ACSM1: variants seen among roughly 807,000 people sequenced by gnomAD.
The protein encoded by ACSM1 is acyl-coenzyme A synthetase ACSM1, mitochondrial.
ACSM1 carries 79 observed loss-of-function variants against 75.8 expected under a neutral mutation model. The observed-to-expected ratio is 1.04, with a 90% CI of 0.87 to 1.26. ACSM1 has a LOEUF of 1.26. Ranked by LOEUF, ACSM1 falls within the 50% of genes most tolerant of loss-of-function variation. The pLI is 0.00. For synonymous variants in ACSM1, 279 were observed against 265.8 expected (o/e 1.05, Z -0.48); for missense variants, 676 against 720.1 (o/e 0.94, Z 0.70).
chr16:20,665,396 C>T (rs1386841330), intron 6 of ACSM1, among the ~76,000 whole-genome samples: 1 of 152,042 alleles, frequency 6.6e-6, no homozygotes. Flanking sequence ...AGAAAATCTA[C>T]AGGAAATGGA....
At chr16:20,656,897 C>CAAA (rs71377673) in intron 7 of ACSM1, among the ~76,000 whole-genome samples, 21 of 120,042 alleles carry the variant, frequency 1.7e-4, no homozygotes, top group East Asian at 1.2e-3. Context: ...GAAGAGGTTA[C>CAAA]AAAAAAAAAA....
At chr16:20,686,620 C>T (rs974700752) in intron 2 of ACSM1, among the ~76,000 whole-genome samples, 3 of 151,864 alleles carry the variant, frequency 2.0e-5, no homozygotes, top group Non-Finnish European at 4.4e-5. Context: ...ACTTGTATCC[C>T]GGAACTTAAA....
chr16:20,660,234 A>T (rs1279528088), intron 7 of ACSM1, among the ~76,000 whole-genome samples: 1 of 152,252 alleles, frequency 6.6e-6, no homozygotes, highest in African/African-American at 2.4e-5. Flanking sequence ...CAAAGAATAC[A>T]AAAACAATCA....
In ACSM1 at chr16:20,636,856, T is replaced by G; in HGVS notation, c.1198-16A>C. 6.2e-7 allele frequency: 1 copy of G among 1,603,978 alleles called. No homozygotes were observed. Among genetic ancestry groups the G allele is most frequent in the Non-Finnish European group, 8.5e-7 (1 of 1,171,286 alleles). ...CATCAATGACCTGTAGCAAGAGGCC[T>G]GTGAATCATACACTGCAGGAGGCCG... On this transcript the variant is annotated splice_polypyrimidine_tract_variant and intron_variant, in intron 9 of 13. Transcript: ENST00000520010.
At chr16:20,675,624 G>A (rs78791171) in intron 4 of ACSM1, among the ~76,000 whole-genome samples, 7 of 152,308 alleles carry the variant, frequency 4.6e-5, no homozygotes, top group African/African-American at 1.7e-4. Context: ...GATGAAACTG[G>A]ATGTTCAAAA....
chr16:20,693,972 G>A (rs937423576), intron 1 of ACSM1, among the ~76,000 whole-genome samples: 5 of 152,194 alleles, frequency 3.3e-5, no homozygotes, highest in African/African-American at 1.2e-4. Context: ...TCTGCTAACC[G>A]TAATAAAGAA....
At position 20,682,331 on chromosome 16, in the gene ACSM1, C is replaced by T. The variant is rs1190455030; in HGVS notation, c.536G>A (p.Cys179Tyr). Residue 179 changes from cysteine to tyrosine, a missense_variant, in exon 4 of 14, where the codon TGC (cysteine) becomes TAC (tyrosine). Coordinates refer to ENST00000520010, the MANE Select transcript of ACSM1 (RefSeq NM_001318890.3). ...CAGGAGCTTGGTTTTCAGAGAGGGG[C>T]ACTGAGAAGCTATGGAGTCCACCTC... ...ASEVDSIASQCPSLKTKLLVS... is the reference protein window; with the variant it reads ...ASEVDSIASQYPSLKTKLLVS... 1.2e-6 allele frequency: 2 copies of T among 1,613,988 alleles called. No individual in the cohort carries two copies. Among genetic ancestry groups the T allele is most frequent in the Admixed American group, 3.3e-5 (2 of 60,016 alleles).
At chr16:20,677,842 T>C (rs964845565) in intron 4 of ACSM1, among the ~76,000 whole-genome samples, 1 of 152,010 alleles carries the variant, frequency 6.6e-6, no homozygotes, top group Non-Finnish European at 1.5e-5. Context: ...TCTGACACTT[T>C]CCATGTTCAT....
chr16:20,623,670 C>T, intron 13 of ACSM1, 98 bp from the exon 14 acceptor site: 1 of 1,212,682 alleles, frequency 8.2e-7, no homozygotes. Context: ...GTCTCCCATG[C>T]AGGCTGACAC....
chr16:20,664,418 T>C (rs1468599466), intron 6 of ACSM1, among the ~76,000 whole-genome samples: 2 of 152,116 alleles, frequency 1.3e-5, no homozygotes, highest in African/African-American at 4.8e-5. Context: ...AGGAGGGCAT[T>C]ATATAATGAT....
At chr16:20,651,864 GA>G (rs2018666712) in intron 7 of ACSM1, among the ~76,000 whole-genome samples, 1 of 152,056 alleles carries the variant, frequency 6.6e-6, no homozygotes, top group Non-Finnish European at 1.5e-5. Context: ...AATGTCTTTA[GA>G]ATTGTTAGAA....
Position 20,625,421 on chromosome 16 carries a change from AC to A in ACSM1, c.1527+1del. ...ACATGATGATCTCTGTGTTCTCCTC[AC>A]CTCCCCTCGAATCGGGTCTGGGCTG... On this transcript the variant is annotated splice_donor_variant, in intron 12 of 13. Transcript: ENST00000520010. LOFTEE classifies it high-confidence loss of function. 6.2e-7 allele frequency: 1 copy of A among 1,613,154 alleles called. No individual in the cohort carries two copies. The highest frequency in any genetic ancestry group is 8.5e-7 in the Non-Finnish European group (1 of 1,179,798).
chr16:20,623,980 T>C, intron 13 of ACSM1, 116 bp downstream of exon 13: 2 of 1,465,344 alleles, frequency 1.4e-6, no homozygotes, highest in Non-Finnish European at 9.3e-7. Flanking sequence ...AAAAAGAGCC[T>C]TCAGTGTTGT....
intron 5 of ACSM1, among the ~76,000 whole-genome samples, chr16:20,670,440 T>C (rs2019833844): frequency 1.3e-5 from 2 of 152,232 alleles, no homozygotes; most frequent in African/African-American, 4.8e-5. Flanking sequence ...AGCCTTTAAC[T>C]GGTCTTCCCT....
intron 9 of ACSM1, 92 bp from the exon 10 acceptor site, chr16:20,636,932 G>A: frequency 5.8e-6 from 5 of 859,528 alleles, no homozygotes; most frequent in South Asian, 5.7e-5. Flanking sequence ...TGGGACACCA[G>A]TGTGGATGAA....
In ACSM1 at chr16:20,671,569, G is replaced by A. The variant is rs1211105820; in HGVS notation, c.714C>T (p.His238=). Residue 238 remains histidine (H), a synonymous_variant, in exon 5 of 14, where the codon CAC becomes CAT. Transcript: ENST00000520010. ...GTTGFPKMAK[H]SHGLALQPSF... ...AGGGTTGTAAGGCCAACCCATGGGAGTGTTTTGCCATCTTGGGGAAGCCTG... is the reference window on the plus strand; with the variant it reads ...AGGGTTGTAAGGCCAACCCATGGGAATGTTTTGCCATCTTGGGGAAGCCTG... 6.2e-7 allele frequency: 1 copy of A among 1,613,756 alleles called. No individual in the cohort carries two copies. Among genetic ancestry groups the A allele is most frequent in the Admixed American group, 1.7e-5 (1 of 59,968 alleles).
intron 4 of ACSM1, among the ~76,000 whole-genome samples, chr16:20,672,471 A>AAAAAAAATATATATAT (rs1555473775): frequency 8.5e-4 from 55 of 64,532 alleles, no homozygotes; most frequent in East Asian, 1.3e-3. Context: ...AAAAAAAAAA[A>AAAAAAAATATATATAT]ATATATATAT....
At chr16:20,669,730 G>T in intron 6 of ACSM1, 97 bp downstream of exon 6, 1 of 1,277,530 alleles carries the variant, frequency 7.8e-7, no homozygotes, top group East Asian at 2.3e-5. Context: ...TTAGGCTCAT[G>T]GGCTTCTTTG....
Position 20,648,707 on chromosome 16 carries a change from C to T in ACSM1, c.993-8123G>A, listed in dbSNP as rs1324425860. ...ACCCTCTCTTTTATTGATTCCAGGT[C>T]TTTAGATAAACTCAACCAACTGCCA... On this transcript the variant is annotated intron_variant, in intron 7 of 13. Transcript: ENST00000520010. This position sits in a 1 kb window ranked among gnomAD's most constrained non-coding sequence, Gnocchi z 4.2. Among the ~76,000 whole-genome samples, 1 of 152,172 alleles carries T rather than the reference C, an allele frequency of 6.6e-6. No individual in the cohort carries two copies. The highest frequency in any genetic ancestry group is 1.5e-5 in the Non-Finnish European group (1 of 68,026).
Sources: allele counts gnomAD v4.1 joint callset (sites outside exome capture counted in the v4.1 genomes callset), GRCh38; gene constraint gnomAD v4.1.1; non-coding constraint Gnocchi (gnomAD v3.1); transcripts MANE v1.5; gene names NCBI Gene and HGNC (gene_info 2026-07-23, HGNC 2026-07-21).